CNTN3: variants seen among roughly 807,000 people sequenced by gnomAD.
The protein encoded by CNTN3 is contactin-3.
Under a neutral mutation model 119.1 loss-of-function variants are expected in CNTN3, and 60 were observed. The ratio of observed to expected loss-of-function variants is 0.50; its 90% CI spans 0.41 to 0.62. The LOEUF (loss-of-function observed/expected upper bound fraction) is 0.62, where lower values mean the gene tolerates loss of function less well. Among genes scored for constraint, CNTN3 ranks in the 20% least tolerant of loss-of-function variants. The probability of loss-of-function intolerance (pLI) is 0.00; values close to 1 mark genes in which losing one functional copy is unlikely to be tolerated. For missense variants in CNTN3, 1,101 were observed against 1,242.4 expected, an observed-to-expected ratio of 0.89 and a Z score of 1.71; for synonymous variants, 450 against 438.7, an observed-to-expected ratio of 1.03 and a Z score of -0.32.
chr3:74,479,604 T>A (rs1048028308), intron 4 of CNTN3, among the ~76,000 whole-genome samples: 1 of 151,998 alleles, frequency 6.6e-6, no homozygotes, highest in African/African-American at 2.4e-5. Flanking sequence ...ATATGATGCA[T>A]CCTTTTTTAG....
intron 1 of CNTN3, among the ~76,000 whole-genome samples, chr3:74,563,438 T>A (rs1010230070): frequency 6.6e-6 from 1 of 152,176 alleles, no homozygotes; most frequent in African/African-American, 2.4e-5. Context: ...CATTCCATTA[T>A]TATTATTAAT....
chr3:74,446,756 T>C (rs1433999095), intron 4 of CNTN3, among the ~76,000 whole-genome samples: 1 of 151,682 alleles, frequency 6.6e-6, no homozygotes, highest in Non-Finnish European at 1.5e-5. Flanking sequence ...CCACATTATA[T>C]TTCTATTGGA....
intron 1 of CNTN3, among the ~76,000 whole-genome samples, chr3:74,610,076 A>G (rs915497430): frequency 6.6e-6 from 1 of 152,012 alleles, no homozygotes; most frequent in South Asian, 2.1e-4. Flanking sequence ...TAATCTCAGC[A>G]CTTTGGGAGG....
intron 5 of CNTN3, among the ~76,000 whole-genome samples, chr3:74,384,815 T>C (rs1704707479): frequency 6.6e-6 from 1 of 152,222 alleles, no homozygotes; most frequent in Non-Finnish European, 1.5e-5. Flanking sequence ...TGAGACCATA[T>C]GCTGTATAGG....
intron 4 of CNTN3, among the ~76,000 whole-genome samples, chr3:74,484,232 T>G (rs1702811667): frequency 1.3e-5 from 2 of 152,186 alleles, no homozygotes; most frequent in African/African-American, 4.8e-5. Context: ...AGACAAGATT[T>G]GTTTTAGAAC....
chr3:74,408,223 C>A (rs753405453), intron 5 of CNTN3, among the ~76,000 whole-genome samples: 2 of 152,060 alleles, frequency 1.3e-5, no homozygotes, highest in Admixed American at 1.3e-4. Context: ...TTACATAAAT[C>A]CCTGGATTTA....
Position 74,367,912 on chromosome 3 carries a change from T to G in CNTN3, c.946+1277A>C, listed in dbSNP as rs188651229. Among the ~76,000 whole-genome samples, 120 of 152,186 alleles carry G rather than the reference T, an allele frequency of 7.9e-4. 1 individual carries two copies. The East Asian group carries it at 0.018, about 22-fold the overall frequency. On this transcript the variant is annotated intron_variant, in intron 8 of 22. Transcript: ENST00000263665. The stretch of plus-strand genomic sequence containing the variant: ...TAGTGGTTGCGCAGAAAGAAGGAAC[T>G]AAGCTAGAGTATGAGAAAAGGTTAC...
chr3:74,413,685 G>GGGAA (rs1441868697), intron 5 of CNTN3, among the ~76,000 whole-genome samples: 4 of 152,186 alleles, frequency 2.6e-5, no homozygotes, highest in Non-Finnish European at 5.9e-5. Flanking sequence ...TGTGGGAATA[G>GGGAA]GGAAAGGTGA....
chr3:74,266,866 T>C (rs1407595861), intron 21 of CNTN3, among the ~76,000 whole-genome samples: 1 of 152,084 alleles, frequency 6.6e-6, no homozygotes, highest in East Asian at 1.9e-4. Flanking sequence ...AGTGAACTTC[T>C]CCCGTGGAAA....
chr3:74,588,669 C>G (rs1032387337), intron 1 of CNTN3, among the ~76,000 whole-genome samples: 1 of 152,014 alleles, frequency 6.6e-6, no homozygotes, highest in Non-Finnish European at 1.5e-5. Flanking sequence ...GCCAAAAGAA[C>G]AAAGCCGGAG....
At chr3:74,427,389 T>C (rs1392783062) in intron 4 of CNTN3, among the ~76,000 whole-genome samples, 3 of 152,144 alleles carry the variant, frequency 2.0e-5, no homozygotes, top group Non-Finnish European at 4.4e-5. Flanking sequence ...CTGAGGCAGA[T>C]GGAGCAACAT....
At chr3:74,525,127 G>GTGTTAACAAGACAATCTGT (rs1418360275) in intron 1 of CNTN3, among the ~76,000 whole-genome samples, 2 of 151,586 alleles carry the variant, frequency 1.3e-5, no homozygotes, top group Admixed American at 1.3e-4. Flanking sequence ...ATCTGTGTCT[G>GTGTTAACAAGACAATCTGT]GCTTAACAAG....
At chr3:74,277,670 G>A (rs1205504188) in intron 20 of CNTN3, among the ~76,000 whole-genome samples, 1 of 152,028 alleles carries the variant, frequency 6.6e-6, no homozygotes, top group Non-Finnish European at 1.5e-5. Flanking sequence ...ATACTGAATA[G>A]GGAAAAGTTG....
At position 74,264,021 on chromosome 3, in the gene CNTN3, T is replaced by G. The variant is rs1179237032; in HGVS notation, c.*380A>C. On this transcript the variant is annotated 3_prime_UTR_variant, in exon 23 of 23. Coordinates refer to ENST00000263665, the MANE Select transcript of CNTN3 (RefSeq NM_020872.3). ...GGTTAAGTCTTCCAAATAATGCTAT[T>G]ATAATGGGAAAATAGCATTTGAATT... 1.3e-5 allele frequency: 2 copies of G among 154,986 alleles called. No homozygotes were observed. The highest frequency in any genetic ancestry group is 6.5e-5 in the Admixed American group (1 of 15,326). The allele number at this position is 154,986 out of a possible 1,614,324, so 9.6% of individuals were successfully genotyped here. A position where few individuals can be genotyped will look rare whatever the true frequency, so the allele number is the denominator to read the frequency against.
chr3:74,464,536 C>T lies in CNTN3; in HGVS notation c.358+21920G>A, dbSNP rs183388020. ...TACAGCTTAAAATCCAGCTGCCAAG[C>T]CCCAGAGTGCTTACATCCTGGTCCA... On this transcript the variant is annotated intron_variant, in intron 4 of 22. Transcript: ENST00000263665. 2.1e-3 allele frequency among the ~76,000 whole-genome samples: 320 copies of T among 152,166 alleles called. 2 individuals carry two copies. The highest frequency in any genetic ancestry group is 7.4e-3 in the African/African-American group (308 of 41,530).
chr3:74,546,957 T>A (rs184089189), intron 1 of CNTN3, among the ~76,000 whole-genome samples: 147 of 152,342 alleles, frequency 9.6e-4, no homozygotes, highest in African/African-American at 2.6e-3. Context: ...TTTGTTGATT[T>A]CGCAAAATTA....
At chr3:74,420,923 G>A (rs1214392631) in intron 5 of CNTN3, among the ~76,000 whole-genome samples, 1 of 152,188 alleles carries the variant, frequency 6.6e-6, no homozygotes, top group Non-Finnish European at 1.5e-5. Context: ...CCTGCCTCAT[G>A]TGCCATTTCT....
chr3:74,451,696 G>A (rs1336677519), intron 4 of CNTN3, among the ~76,000 whole-genome samples: 1 of 151,140 alleles, frequency 6.6e-6, no homozygotes, highest in African/African-American at 2.4e-5. Context: ...TTTGTATAAG[G>A]TGTAAGGAAG....
chr3:74,563,954 T>A (rs1704190008), intron 1 of CNTN3, among the ~76,000 whole-genome samples: 1 of 152,162 alleles, frequency 6.6e-6, no homozygotes, highest in South Asian at 2.1e-4. Context: ...ATCTATTCAT[T>A]CATTCAACAA....
Sources: gnomAD v4.1 joint callset for allele counts (sites outside exome capture counted in the v4.1 genomes callset) on GRCh38, gnomAD v4.1.1 for gene constraint, MANE v1.5 for transcripts, NCBI Gene and HGNC (gene_info 2026-07-23, HGNC 2026-07-21) for gene names.